Variants in PPP6R3 observed in about 807,000 individuals in gnomAD.
PPP6R3 encodes serine/threonine-protein phosphatase 6 regulatory subunit 3.
In PPP6R3, 38 loss-of-function variants were observed where a neutral mutation model predicts 110.7. The ratio of observed to expected loss-of-function variants is 0.34; its 90% CI spans 0.26 to 0.45. PPP6R3 has a LOEUF of 0.45. PPP6R3 is among the 20% of genes least tolerant of loss of function. PPP6R3 has a pLI of 1.00. For synonymous variants in PPP6R3, 369 were observed against 373.5 expected (o/e 0.99, Z 0.14); for missense variants, 870 against 1,062.4 (o/e 0.82, Z 2.52).
intron 6 of PPP6R3, among the ~76,000 whole-genome samples, chr11:68,552,565 G>C (rs2099385348): frequency 6.6e-6 from 1 of 152,212 alleles, no homozygotes; most frequent in Non-Finnish European, 1.5e-5. Flanking sequence ...GGGAGCCCCT[G>C]CTTAGAAGGT....
chr11:68,595,973 C>T, intron 18 of PPP6R3, 124 bp from the exon 19 acceptor site: 4 of 1,250,006 alleles, frequency 3.2e-6, no homozygotes, highest in South Asian at 1.4e-5. Context: ...ACGTGGTGCT[C>T]AGACAGATGT....
At chr11:68,594,265 G>GGA (rs56125097) in intron 18 of PPP6R3, among the ~76,000 whole-genome samples, 20,753 of 136,776 alleles carry the variant, frequency 0.15, 1,922 homozygotes, top group East Asian at 0.38. Context: ...TAAAAAAGGG[G>GGA]GAGAGAGAGA....
chr11:68,571,885 C>T (rs1268441073), intron 12 of PPP6R3, among the ~76,000 whole-genome samples: 1 of 152,156 alleles, frequency 6.6e-6, no homozygotes, highest in Non-Finnish European at 1.5e-5. Flanking sequence ...CAAGACATTT[C>T]TGTCACCCCC....
At chr11:68,517,856 T>C (rs1189438761) in intron 1 of PPP6R3, among the ~76,000 whole-genome samples, 2 of 151,860 alleles carry the variant, frequency 1.3e-5, no homozygotes, top group East Asian at 1.9e-4. Flanking sequence ...GAGGATCACT[T>C]GAGCCCAGGA....
Position 68,609,979 on chromosome 11 carries a change from G to T in PPP6R3, c.2526G>T (p.Ala842=). The part of the protein sequence containing the change: ...DAEECPETAE[A]KCAAPRPPSS... ...AGGAGTGTCCCGAGACTGCAGAGGC[G>T]AAGTGCGCGGCGCCCAGGCCTCCCA... is the stretch of plus-strand genomic sequence containing the variant. Residue 842 remains alanine (A), a synonymous_variant, in exon 23 of 24, where the codon GCG becomes GCT. Transcript: ENST00000393800. The T allele has an allele frequency of 6.2e-7, 1 of 1,614,156 alleles. No homozygotes were observed. The highest frequency in any genetic ancestry group is 1.3e-5 in the African/African-American group (1 of 75,054).
chr11:68,493,564 T>G (rs1280103276), intron 1 of PPP6R3, among the ~76,000 whole-genome samples: 2 of 146,856 alleles, frequency 1.4e-5, no homozygotes, highest in African/African-American at 2.5e-5. Flanking sequence ...TCCCAGTAGC[T>G]AGGACAATAG....
intron 12 of PPP6R3, among the ~76,000 whole-genome samples, chr11:68,571,521 C>T (rs1214176117): frequency 6.6e-6 from 1 of 152,084 alleles, no homozygotes; most frequent in Non-Finnish European, 1.5e-5. Context: ...GTACAGGGAC[C>T]TAGAGGAAAA....
intron 1 of PPP6R3, among the ~76,000 whole-genome samples, chr11:68,498,477 A>G (rs1294308058): frequency 6.6e-6 from 1 of 152,234 alleles, no homozygotes; most frequent in Non-Finnish European, 1.5e-5. Context: ...CACCTGGGCA[A>G]GCAGCCATCA....
chr11:68,530,899 T>G lies in PPP6R3; in HGVS notation c.-6-6760T>G, dbSNP rs115648218. Reference sequence around the variant, plus strand: ...AGGAGATTTTGAATTTGAAATTCATTGACGATCTTGTCATCCCCACAGTTG... The same window carrying G: ...AGGAGATTTTGAATTTGAAATTCATGGACGATCTTGTCATCCCCACAGTTG... On this transcript the variant is annotated intron_variant, in intron 2 of 23. Coordinates refer to ENST00000393800, the MANE Select transcript of PPP6R3 (RefSeq NM_001164161.2). Among the ~76,000 whole-genome samples, 428 of 152,348 alleles carry G rather than the reference T, an allele frequency of 2.8e-3. 4 individuals carry two copies. The highest frequency in any genetic ancestry group is 9.5e-3 in the African/African-American group (396 of 41,570).
intron 23 of PPP6R3, among the ~76,000 whole-genome samples, chr11:68,612,120 TCTA>T (rs984287177): frequency 1.3e-5 from 2 of 152,214 alleles, no homozygotes; most frequent in Non-Finnish European, 2.9e-5. Context: ...GGCTAAGAAA[TCTA>T]CTTATAAGAT....
At chr11:68,503,370 C>T (rs912685810) in intron 1 of PPP6R3, among the ~76,000 whole-genome samples, 4 of 152,196 alleles carry the variant, frequency 2.6e-5, no homozygotes, top group African/African-American at 9.7e-5. Flanking sequence ...GAATTTACTT[C>T]GAGCAAATGT....
At chr11:68,597,034 C>T (rs778913936) in intron 19 of PPP6R3, among the ~76,000 whole-genome samples, 2 of 152,204 alleles carry the variant, frequency 1.3e-5, no homozygotes, top group Non-Finnish European at 2.9e-5. Flanking sequence ...TTTTCCAGCC[C>T]ACCCTCAGGA....
At chr11:68,535,609 C>G (rs1186506578) in intron 2 of PPP6R3, 1 of 152,014 alleles carries the variant, frequency 6.6e-6, no homozygotes, top group African/African-American at 2.4e-5. Context: ...TAACACCCTT[C>G]ACATTTTATA....
chr11:68,595,103 T>G (rs2099609513), intron 18 of PPP6R3, among the ~76,000 whole-genome samples: 1 of 150,996 alleles, frequency 6.6e-6, no homozygotes, highest in African/African-American at 2.4e-5. Flanking sequence ...AACATTAAAC[T>G]ATAAAACTTC....
intron 12 of PPP6R3, among the ~76,000 whole-genome samples, chr11:68,573,133 T>TA (rs1377518518): frequency 2.3e-4 from 25 of 106,396 alleles, no homozygotes; most frequent in Non-Finnish European, 4.6e-4. Flanking sequence ...TATATATATA[T>TA]ATATATATAT....
chr11:68,537,554 A>C, intron 2 of PPP6R3, 105 bp from the exon 3 acceptor site: 1 of 732,108 alleles, frequency 1.4e-6, no homozygotes. Flanking sequence ...AACTTATGTG[A>C]GCCAAGTTGG....
intron 1 of PPP6R3, among the ~76,000 whole-genome samples, chr11:68,487,641 G>A (rs2098956620): frequency 6.7e-6 from 1 of 150,184 alleles, no homozygotes; most frequent in East Asian, 1.9e-4. Context: ...TTTCTTTTTT[G>A]ACTCCCATGT....
chr11:68,564,363 CAA>C lies in PPP6R3; in HGVS notation c.907_908del (p.Lys303GlufsTer15). 1 of 1,613,322 alleles carries C rather than the reference CAA, an allele frequency of 6.2e-7. No homozygotes were observed. Among genetic ancestry groups the C allele is most frequent in the South Asian group, 1.1e-5 (1 of 91,074 alleles). On this transcript the variant is annotated frameshift_variant, in exon 9 of 24. Transcript: ENST00000393800. LOFTEE classifies it high-confidence loss of function. ...TGAGCCATTCAGCTTGTTCAGTAAA[CAA>C]GAGTGTTCTAGAAGCCATCAGAGGA... ...GMSHSACSVN[K>X]SVLEAIRGRL...
At chr11:68,538,011 C>G in intron 3 of PPP6R3, 120 bp downstream of exon 3, 2 of 740,104 alleles carry the variant, frequency 2.7e-6, no homozygotes, top group Non-Finnish European at 4.2e-6. Context: ...GTAAGATAGT[C>G]AAGAATGACA....
Sources: gnomAD v4.1 joint callset for allele counts (sites outside exome capture counted in the v4.1 genomes callset) on GRCh38, gnomAD v4.1.1 for gene constraint, MANE v1.5 for transcripts, NCBI Gene and HGNC (gene_info 2026-07-23, HGNC 2026-07-21) for gene names.